The following FAM83B variants were observed in gnomAD, a reference collection of about 807,000 sequenced individuals.
FAM83B encodes the protein protein FAM83B.
FAM83B carries 26 observed loss-of-function variants against 38.8 expected under a neutral mutation model. That is an observed-to-expected ratio of 0.67 (90% confidence interval 0.49 to 0.93). The LOEUF is 0.93. Ranked by LOEUF, FAM83B falls within the 40% of genes least tolerant of loss-of-function variation. The pLI is 0.00. For synonymous variants in FAM83B, 419 were observed against 423.1 expected, an observed-to-expected ratio of 0.99 and a Z score of 0.12; for missense variants, 1,237 against 1,197.3, an observed-to-expected ratio of 1.03 and a Z score of -0.49.
chr6:54,925,076 G>GT (rs1486729418), intron 2 of FAM83B, among the ~76,000 whole-genome samples: 1 of 152,020 alleles, frequency 6.6e-6, no homozygotes, highest in Non-Finnish European at 1.5e-5. Context: ...TCTCGTTTCT[G>GT]TTTTTTGGAT....
At position 54,925,930 on chromosome 6, in the gene FAM83B, T is replaced by G. The variant is rs533668177; in HGVS notation, c.445-441T>G. On this transcript the variant is annotated intron_variant, in intron 2 of 4. Coordinates refer to ENST00000306858, the MANE Select transcript of FAM83B (RefSeq NM_001010872.3). ...CCTTTCCTAGGTATATTTCTATTTC[T>G]AGAATATTTTTTTCTCTGTCTCAGT... Among the ~76,000 whole-genome samples the G allele has an allele frequency of 2.2e-4, 34 of 152,292 alleles. No homozygotes were observed. The South Asian group carries it at 5.8e-3, about 26-fold the overall frequency.
rs141980700 is a variant in FAM83B at position 54,847,527 on chromosome 6, C to G, written c.-61+701C>G. On this transcript the variant is annotated intron_variant, in intron 1 of 4. Coordinates refer to ENST00000306858, the MANE Select transcript of FAM83B (RefSeq NM_001010872.3). ...CTACCAAAGTTTGAGAACCACTGCT[C>G]TAGATCCTGGTGAGTGATCTAGAAG... 1.9e-3 allele frequency among the ~76,000 whole-genome samples: 285 copies of G among 152,212 alleles called. 2 individuals carry two copies. Among genetic ancestry groups the G allele is most frequent in the African/African-American group, 6.3e-3 (261 of 41,532 alleles).
intron 2 of FAM83B, among the ~76,000 whole-genome samples, chr6:54,897,568 A>T (rs181820324): frequency 6.6e-6 from 1 of 152,274 alleles, no homozygotes; most frequent in Non-Finnish European, 1.5e-5. Flanking sequence ...TAGAAACCTG[A>T]CTATTAAATT....
At chr6:54,930,766 G>A (rs1004831645) in intron 4 of FAM83B, among the ~76,000 whole-genome samples, 1 of 151,766 alleles carries the variant, frequency 6.6e-6, no homozygotes, top group South Asian at 2.1e-4. Context: ...GTTTCTTGAG[G>A]TATAAAGCTA....
intron 1 of FAM83B, among the ~76,000 whole-genome samples, chr6:54,867,485 GTCTTGTACATAA>G (rs1477645884): frequency 6.6e-6 from 1 of 151,946 alleles, no homozygotes; most frequent in Admixed American, 6.6e-5. Flanking sequence ...GTAATCTTAA[GTCTTGTACATAA>G]TATTGTAACC....
At chr6:54,848,325 T>C (rs1334305763) in intron 1 of FAM83B, among the ~76,000 whole-genome samples, 2 of 152,148 alleles carry the variant, frequency 1.3e-5, no homozygotes, top group Non-Finnish European at 2.9e-5. Flanking sequence ...CTATTTAGGG[T>C]GCTGGCTACA....
intron 2 of FAM83B, among the ~76,000 whole-genome samples, chr6:54,891,558 T>G (rs1389047043): frequency 6.6e-6 from 1 of 152,184 alleles, no homozygotes; most frequent in Admixed American, 6.6e-5. Flanking sequence ...GTGGCCTGTC[T>G]TCTGAACATT....
intron 2 of FAM83B, among the ~76,000 whole-genome samples, chr6:54,919,376 T>C (rs915840311): frequency 6.6e-6 from 1 of 152,164 alleles, no homozygotes; most frequent in Admixed American, 6.5e-5. Flanking sequence ...GAAAATAATG[T>C]ATGCAGATTC....
intron 2 of FAM83B, among the ~76,000 whole-genome samples, chr6:54,900,823 C>A (rs1266365332): frequency 3.9e-5 from 6 of 152,156 alleles, no homozygotes; most frequent in Non-Finnish European, 8.8e-5. Flanking sequence ...TGATAGACCA[C>A]CCCCTTCTAC....
chr6:54,871,803 A>G (rs80031745), intron 2 of FAM83B, among the ~76,000 whole-genome samples: 1,678 of 150,640 alleles, frequency 0.011, 13 homozygotes, highest in Non-Finnish European at 0.018. Context: ...TTTTAATTAT[A>G]AAGTGTGCAT....
At chr6:54,848,813 A>C (rs376285660) in intron 1 of FAM83B, among the ~76,000 whole-genome samples, 2 of 152,204 alleles carry the variant, frequency 1.3e-5, no homozygotes, top group African/African-American at 4.8e-5. Context: ...CTTCTAATAC[A>C]TAAATCTGGT....
At chr6:54,863,541 C>T (rs927544902) in intron 1 of FAM83B, among the ~76,000 whole-genome samples, 1 of 51,696 alleles carries the variant, frequency 1.9e-5, no homozygotes, top group East Asian at 2.5e-4. Context: ...AACTATGCCG[C>T]TGAGCCAACC....
chr6:54,925,261 CT>C (rs963947715), intron 2 of FAM83B, among the ~76,000 whole-genome samples: 1 of 152,068 alleles, frequency 6.6e-6, no homozygotes, highest in East Asian at 1.9e-4. Flanking sequence ...CTATTCTGCT[CT>C]TTTTTTTCCA....
At chr6:54,899,684 T>C (rs1451143332) in intron 2 of FAM83B, among the ~76,000 whole-genome samples, 1 of 152,126 alleles carries the variant, frequency 6.6e-6, no homozygotes, top group African/African-American at 2.4e-5. Flanking sequence ...ATACCAGCTT[T>C]ATAAGGGCAC....
chr6:54,908,255 T>C (rs773171141), intron 2 of FAM83B, among the ~76,000 whole-genome samples: 10 of 152,110 alleles, frequency 6.6e-5, no homozygotes, highest in Non-Finnish European at 1.5e-4. Flanking sequence ...TATTCCCTTA[T>C]GTTTTTTCTT....
intron 1 of FAM83B, among the ~76,000 whole-genome samples, chr6:54,863,263 AG>A (rs1271860745): frequency 1.3e-5 from 2 of 152,196 alleles, no homozygotes; most frequent in African/African-American, 4.8e-5. Context: ...CCCAAAATAG[AG>A]GTACCAATTC....
intron 2 of FAM83B, among the ~76,000 whole-genome samples, chr6:54,902,536 A>G (rs1772682416): frequency 6.6e-6 from 1 of 152,114 alleles, no homozygotes; most frequent in African/African-American, 2.4e-5. Context: ...GGAAGTTCTG[A>G]TTAACTTGTT....
In FAM83B at chr6:54,940,478, G is replaced by C; in HGVS notation, c.1507G>C (p.Asp503His). The C allele has an allele frequency of 6.2e-7, 1 of 1,614,074 alleles. No homozygotes were observed. The highest frequency in any genetic ancestry group is 8.5e-7 in the Non-Finnish European group (1 of 1,180,020). Residue 503 changes from aspartate to histidine, a missense_variant, in exon 5 of 5, where the codon GAT (aspartate) becomes CAT (histidine). By Grantham distance (81) the Asp-to-His change is moderately conservative. Transcript: ENST00000306858. ...CTGGAGAATTGAATCCTACTTAAATGATCATTCAGAAGCTACACCGGACTC... is the reference window on the plus strand; with the variant it reads ...CTGGAGAATTGAATCCTACTTAAATCATCATTCAGAAGCTACACCGGACTC... The part of the protein sequence containing the change: ...RNWRIESYLN[D>H]HSEATPDSNG...
At chr6:54,871,319 T>G (rs1251374198) in intron 2 of FAM83B, among the ~76,000 whole-genome samples, 1 of 152,018 alleles carries the variant, frequency 6.6e-6, no homozygotes, top group East Asian at 1.9e-4. Flanking sequence ...GTAGGACTCT[T>G]TAATCAAGCA....
Sources: gnomAD v4.1 joint callset for allele counts (sites outside exome capture counted in the v4.1 genomes callset) on GRCh38, gnomAD v4.1.1 for gene constraint, MANE v1.5 for transcripts, NCBI Gene and HGNC (gene_info 2026-07-23, HGNC 2026-07-21) for gene names.